EMC8: variants seen among roughly 807,000 people sequenced by gnomAD.
EMC8 encodes the protein ER membrane protein complex subunit 8.
A neutral mutation model predicts 24.3 loss-of-function variants in EMC8; 11 were observed. The ratio of observed to expected loss-of-function variants is 0.45; its 90% CI spans 0.28 to 0.75. The LOEUF (loss-of-function observed/expected upper bound fraction) is 0.75, where lower values mean the gene tolerates loss of function less well. EMC8 is among the 30% of genes least tolerant of loss of function. The probability of loss-of-function intolerance (pLI) is 0.12; values close to 1 mark genes in which losing one functional copy is unlikely to be tolerated. For synonymous variants in EMC8, 145 were observed against 117.7 expected, an observed-to-expected ratio of 1.23 and a Z score of -1.50; for missense variants, 277 against 282.7, an observed-to-expected ratio of 0.98 and a Z score of 0.14.
intron 2 of EMC8, chr16:85,784,623 G>A (rs986935336): frequency 5.3e-5 from 8 of 152,116 alleles, no homozygotes; most frequent in African/African-American, 1.7e-4. Context: ...GGCTCCTAGC[G>A]CAGAGGGAAG....
chr16:85,779,937 G>C (rs1904409470), intron 4 of EMC8, 70 bp from the exon 5 acceptor site: 1 of 1,347,926 alleles, frequency 7.4e-7, no homozygotes. Flanking sequence ...CATCAAGAGA[G>C]AAGGCCAGCC....
intron 2 of EMC8, among the ~76,000 whole-genome samples, chr16:85,788,038 C>T (rs935813362): frequency 1.1e-4 from 17 of 152,200 alleles, no homozygotes; most frequent in Admixed American, 2.0e-4. Flanking sequence ...ACTGGAGGGT[C>T]GGCTCTATCT....
chr16:85,785,466 A>G (rs1331940998), intron 2 of EMC8, among the ~76,000 whole-genome samples: 1 of 152,126 alleles, frequency 6.6e-6, no homozygotes, highest in Non-Finnish European at 1.5e-5. Flanking sequence ...GCTACTCAGG[A>G]GCCTGAGACA....
In EMC8 at chr16:85,779,349, TA is replaced by T. The variant is rs1277521946; in HGVS notation, c.*358del. 34 of 132,518 alleles carry T rather than the reference TA, an allele frequency of 2.6e-4. No individual in the cohort carries two copies. The highest frequency in any genetic ancestry group is 1.0e-3 in the East Asian group (5 of 4,996). The allele number at this position is 132,518 out of a possible 1,614,324, so 8.2% of individuals were successfully genotyped here. On this transcript the variant is annotated 3_prime_UTR_variant, in exon 5 of 5. Coordinates refer to ENST00000253457, the MANE Select transcript of EMC8 (RefSeq NM_006067.5). Reference sequence around the variant, plus strand: ...AGATGTGGGCTTTTTTTTTTTTTTTTAAAAAAAGATAGTTCAAAAGCCTTAA... The same window carrying T: ...AGATGTGGGCTTTTTTTTTTTTTTTTAAAAAAGATAGTTCAAAAGCCTTAA...
intron 2 of EMC8, chr16:85,784,588 G>A (rs1413298000): frequency 6.6e-6 from 1 of 152,110 alleles, no homozygotes; most frequent in Non-Finnish European, 1.5e-5. Context: ...GAAGCCAATC[G>A]TACTGAAGAA....
chr16:85,786,205 G>C (rs1353298237), intron 2 of EMC8, among the ~76,000 whole-genome samples: 3 of 152,202 alleles, frequency 2.0e-5, no homozygotes, highest in African/African-American at 7.2e-5. Flanking sequence ...GGCCCAAGGA[G>C]GTTAATCAGT....
At chr16:85,784,278 G>T (rs897525194) in intron 2 of EMC8, 1 of 152,214 alleles carries the variant, frequency 6.6e-6, no homozygotes, top group Non-Finnish European at 1.5e-5. Context: ...GAATATAGGC[G>T]TGAGCCACCG....
At chr16:85,788,455 T>A (rs1165292754) in intron 2 of EMC8, among the ~76,000 whole-genome samples, 1 of 152,224 alleles carries the variant, frequency 6.6e-6, no homozygotes, top group Non-Finnish European at 1.5e-5. Context: ...GACGCAGACA[T>A]ATAGAAAAAT....
intron 1 of EMC8, 104 bp downstream of exon 1, chr16:85,798,961 G>A (rs1453186369): frequency 1.5e-5 from 12 of 780,532 alleles, no homozygotes; most frequent in East Asian, 2.7e-5. Flanking sequence ...TAGGGAGCGG[G>A]TCCTAGGAGC....
At chr16:85,797,075 T>C (rs1905267430) in intron 1 of EMC8, among the ~76,000 whole-genome samples, 5 of 152,234 alleles carry the variant, frequency 3.3e-5, no homozygotes, top group Admixed American at 3.3e-4. Context: ...TCAATGCATT[T>C]CACAGATCCA....
intron 2 of EMC8, among the ~76,000 whole-genome samples, chr16:85,785,916 A>G (rs1904733624): frequency 1.3e-5 from 2 of 152,200 alleles, no homozygotes; most frequent in African/African-American, 4.8e-5. Context: ...CCGGGCACCG[A>G]AACCTACTCA....
At chr16:85,791,053 C>A (rs1904987177) in intron 1 of EMC8, among the ~76,000 whole-genome samples, 1 of 152,052 alleles carries the variant, frequency 6.6e-6, no homozygotes, top group Non-Finnish European at 1.5e-5. Flanking sequence ...ATCTTGGACT[C>A]CTGGGTTCAA....
intron 2 of EMC8, chr16:85,784,755 G>C (rs1231276008): frequency 6.6e-6 from 1 of 152,194 alleles, no homozygotes; most frequent in Non-Finnish European, 1.5e-5. Context: ...ACCTCTGCCT[G>C]CTCCTGCATT....
chr16:85,789,502 G>C (rs745325822), intron 1 of EMC8, among the ~76,000 whole-genome samples: 1 of 152,138 alleles, frequency 6.6e-6, no homozygotes, highest in African/African-American at 2.4e-5. Context: ...TTCAAAACAA[G>C]TCTTTTAGGC....
chr16:85,790,664 C>T (rs1904964685), intron 1 of EMC8, among the ~76,000 whole-genome samples: 1 of 152,152 alleles, frequency 6.6e-6, no homozygotes, highest in South Asian at 2.1e-4. Context: ...CCATCATGGG[C>T]CGGCCTCCTG....
At chr16:85,781,155 C>T (rs1301245821) in intron 3 of EMC8, 56 bp downstream of exon 3, 6 of 1,263,136 alleles carry the variant, frequency 4.8e-6, no homozygotes. Flanking sequence ...GAGCAAGCTC[C>T]AGGTTGGTGA....
At chr16:85,786,149 T>G (rs1179228911) in intron 2 of EMC8, among the ~76,000 whole-genome samples, 1 of 152,216 alleles carries the variant, frequency 6.6e-6, no homozygotes, top group Non-Finnish European at 1.5e-5. Context: ...TCATGACTAC[T>G]CTCTGAGGCA....
At chr16:85,785,525 G>T (rs557656404) in intron 2 of EMC8, among the ~76,000 whole-genome samples, 13 of 152,092 alleles carry the variant, frequency 8.5e-5, no homozygotes, top group Non-Finnish European at 1.3e-4. Flanking sequence ...AGGCGAGATC[G>T]TGCCACTGCA....
chr16:85,786,649 C>T (rs904948447), intron 2 of EMC8, among the ~76,000 whole-genome samples: 13 of 152,136 alleles, frequency 8.5e-5, no homozygotes, highest in South Asian at 2.1e-4. Flanking sequence ...ATGGCTGCTC[C>T]GGATGCATTT....
Sources: gnomAD v4.1 joint callset for allele counts (sites outside exome capture counted in the v4.1 genomes callset) on GRCh38, gnomAD v4.1.1 for gene constraint, MANE v1.5 for transcripts, NCBI Gene and HGNC (gene_info 2026-07-23, HGNC 2026-07-21) for gene names.